The following LTBP1 variants were observed in gnomAD, a reference collection of about 807,000 sequenced individuals.
LTBP1 encodes latent transforming growth factor beta binding protein 1.
In LTBP1, 129 loss-of-function variants were observed where a neutral mutation model predicts 207.6. That is an observed-to-expected ratio of 0.62 (90% CI 0.54 to 0.72). The LOEUF (loss-of-function observed/expected upper bound fraction) is 0.72. Among genes scored for constraint, LTBP1 ranks in the 30% least tolerant of loss-of-function variants. The pLI is 0.00. For synonymous variants in LTBP1, 963 were observed against 833.7 expected (o/e 1.16, Z -2.67); for missense variants, 2,281 against 2,217.2 (o/e 1.03, Z -0.58).
chr2:33,040,884 G>A (rs1200000540), intron 3 of LTBP1, among the ~76,000 whole-genome samples: 1 of 152,162 alleles, frequency 6.6e-6, no homozygotes, highest in Admixed American at 6.5e-5. Flanking sequence ...TGACACCTGG[G>A]AGACTCAGGA....
intron 24 of LTBP1, among the ~76,000 whole-genome samples, chr2:33,316,880 C>T (rs1415779558): frequency 1.3e-5 from 2 of 152,086 alleles, no homozygotes; most frequent in Non-Finnish European, 2.9e-5. Flanking sequence ...TGCTTCTTTG[C>T]TTAGCTCTAA....
intron 5 of LTBP1, among the ~76,000 whole-genome samples, chr2:33,163,783 C>T (rs2084669252): frequency 1.3e-5 from 2 of 151,992 alleles, no homozygotes; most frequent in Non-Finnish European, 2.9e-5. Flanking sequence ...ATAAATTAAC[C>T]TACGTCAAAA....
At chr2:33,181,181 C>T (rs1183143505) in intron 5 of LTBP1, among the ~76,000 whole-genome samples, 1 of 152,090 alleles carries the variant, frequency 6.6e-6, no homozygotes, top group Non-Finnish European at 1.5e-5. Context: ...CTTTTGGGAA[C>T]CAGCAGCCGA....
chr2:33,377,953 C>G (rs944427835), intron 31 of LTBP1, among the ~76,000 whole-genome samples: 3 of 152,188 alleles, frequency 2.0e-5, no homozygotes, highest in Non-Finnish European at 4.4e-5. Context: ...ATGATCCAGT[C>G]ACCTCCCACC....
chr2:33,182,933 C>T (rs899045594), intron 5 of LTBP1, among the ~76,000 whole-genome samples: 1 of 143,586 alleles, frequency 7.0e-6, no homozygotes, highest in African/African-American at 2.6e-5. Flanking sequence ...AAAAATAGTA[C>T]AGCTAATATT....
intron 24 of LTBP1, among the ~76,000 whole-genome samples, chr2:33,327,484 G>A (rs556909297): frequency 4.4e-4 from 67 of 152,232 alleles, no homozygotes; most frequent in African/African-American, 1.6e-3. Context: ...ATGACATAGA[G>A]TGGGTCATGT....
Position 33,110,593 on chromosome 2 carries a change from T to C in LTBP1, c.875T>C (p.Leu292Pro). Residue 292 changes from leucine (L) to proline (P), a missense_variant, in exon 4 of 34, where the codon CTT (leucine) becomes CCT (proline). Around this residue, in one of 3 missense-constraint regions of LTBP1, gnomAD observed 555 missense variants for 491.0 expected, o/e 1.13. Coordinates refer to ENST00000404816, the MANE Select transcript of LTBP1 (RefSeq NM_206943.4). ...TTGTTTCTTCCCAGAGTGACTCCTC[T>C]TTCTTCCCAGAGTGTGGTGATTCAC... is the stretch of plus-strand genomic sequence containing the variant. ...PQQIHSQVTP[L>P]SSQSVVIHHG... 3 of 1,613,326 alleles carry C rather than the reference T, an allele frequency of 1.9e-6. No individual in the cohort carries two copies. Among genetic ancestry groups the C allele is most frequent in the Non-Finnish European group, 2.5e-6 (3 of 1,179,622 alleles).
intron 11 of LTBP1, among the ~76,000 whole-genome samples, chr2:33,254,852 GTTTTTTTTTT>G (rs70938393): frequency 1.4e-3 from 15 of 10,358 alleles, no homozygotes; most frequent in African/African-American, 7.6e-3. Flanking sequence ...GCGGTGTTTG[GTTTTTTTTTT>G]TTTTTTTTTT....
At chr2:33,081,114 C>T (rs951556246) in intron 3 of LTBP1, among the ~76,000 whole-genome samples, 6 of 86,248 alleles carry the variant, frequency 7.0e-5, no homozygotes, top group African/African-American at 1.8e-4. Context: ...TAGTAATATA[C>T]TGGGGGGAAC....
chr2:33,340,257 C>CA lies in LTBP1; in HGVS notation c.3731-2558dup, dbSNP rs1198759101. Among the ~76,000 whole-genome samples, 784 of 89,486 alleles carry CA rather than the reference C, an allele frequency of 8.8e-3. 4 individuals carry two copies. Among genetic ancestry groups the CA allele is most frequent in the African/African-American group, 0.019 (431 of 22,876 alleles). The allele number at this position is 89,486 out of a possible 152,430, so 58.7% of individuals were successfully genotyped here. On this transcript the variant is annotated intron_variant, in intron 24 of 33. Coordinates refer to ENST00000404816, the MANE Select transcript of LTBP1 (RefSeq NM_206943.4). ...TGGGCGACAGAGCGAGACTCTGTCT[C>CA]AAAAAAAAAAAAAAAAAAAAAAAGT...
chr2:33,222,077 C>T lies in LTBP1; in HGVS notation c.1805-3C>T. 1 of 1,609,218 alleles carries T rather than the reference C, an allele frequency of 6.2e-7. No homozygotes were observed. Among genetic ancestry groups the T allele is most frequent in the Non-Finnish European group, 8.5e-7 (1 of 1,175,512 alleles). On this transcript the variant is annotated splice_polypyrimidine_tract_variant and splice_region_variant and intron_variant, in intron 8 of 33. Transcript: ENST00000404816. The stretch of plus-strand genomic sequence containing the variant: ...ATGTAACAAAGCATTTCTTCCCTTA[C>T]AGCTTATCATGGATACAACCAAATG...
intron 3 of LTBP1, among the ~76,000 whole-genome samples, chr2:33,044,270 C>G (rs1231757170): frequency 2.6e-5 from 4 of 152,098 alleles, no homozygotes; most frequent in Non-Finnish European, 5.9e-5. Context: ...CCCTAGCCCC[C>G]TACCCACTGA....
intron 2 of LTBP1, among the ~76,000 whole-genome samples, chr2:32,970,187 G>T (rs1170344145): frequency 1.3e-5 from 2 of 152,132 alleles, no homozygotes; most frequent in Non-Finnish European, 2.9e-5. Flanking sequence ...TGCATAGTTT[G>T]CAAATATTTT....
At chr2:33,021,283 C>G in intron 3 of LTBP1, 77 bp downstream of exon 3, 1 of 1,333,372 alleles carries the variant, frequency 7.5e-7, no homozygotes, top group Non-Finnish European at 1.0e-6. Flanking sequence ...AATCACTGTC[C>G]CTTTCCTGCA....
intron 3 of LTBP1, among the ~76,000 whole-genome samples, chr2:33,073,317 T>A (rs2077900678): frequency 6.6e-6 from 1 of 151,802 alleles, no homozygotes; most frequent in African/African-American, 2.4e-5. Context: ...CATGTACATA[T>A]CAACAGATTT....
At chr2:33,064,652 C>G (rs1558585569) in intron 3 of LTBP1, among the ~76,000 whole-genome samples, 1 of 152,226 alleles carries the variant, frequency 6.6e-6, no homozygotes, top group African/African-American at 2.4e-5. Context: ...ATGTTATTTT[C>G]ATTTCCCTGG....
At chr2:33,038,450 C>G (rs750262005) in intron 3 of LTBP1, among the ~76,000 whole-genome samples, 2 of 152,222 alleles carry the variant, frequency 1.3e-5, no homozygotes, top group Non-Finnish European at 2.9e-5. Flanking sequence ...ATGGCAGATG[C>G]CCCTCCAGGG....
chr2:33,298,598 C>CTGA (rs1573696929), intron 20 of LTBP1, among the ~76,000 whole-genome samples: 1 of 152,178 alleles, frequency 6.6e-6, no homozygotes, highest in African/African-American at 2.4e-5. Context: ...GTGACGTAGG[C>CTGA]TGATCTTTGC....
intron 19 of LTBP1, 107 bp from the exon 20 acceptor site, chr2:33,293,053 C>T: frequency 1.8e-6 from 2 of 1,133,608 alleles, no homozygotes; most frequent in South Asian, 1.7e-5. Context: ...TAAGAATCTG[C>T]CTGGTCTTCT....
Sources: allele counts gnomAD v4.1 joint callset (sites outside exome capture counted in the v4.1 genomes callset), GRCh38; gene constraint gnomAD v4.1.1; regional missense constraint gnomAD v4.1.1; transcripts MANE v1.5; gene names NCBI Gene and HGNC (gene_info 2026-07-23, HGNC 2026-07-21).